The following ABHD2 variants were observed in gnomAD, a reference collection of about 807,000 sequenced individuals.
ABHD2 encodes monoacylglycerol lipase ABHD2.
Under a neutral mutation model 48.1 loss-of-function variants are expected in ABHD2, and 20 were observed. The observed-to-expected ratio is 0.42, with a 90% CI of 0.29 to 0.60. The LOEUF (loss-of-function observed/expected upper bound fraction) is 0.60. ABHD2 is among the 20% of genes least tolerant of loss of function. The probability of loss-of-function intolerance (pLI) is 0.24; values close to 1 mark genes in which losing one functional copy is unlikely to be tolerated. For missense variants in ABHD2, 405 were observed against 550.9 expected, an observed-to-expected ratio of 0.74 and a Z score of 2.65; for synonymous variants, 209 against 214.2, an observed-to-expected ratio of 0.98 and a Z score of 0.21.
chr15:89,092,529 T>C lies in ABHD2; in HGVS notation c.-107+3966T>C, dbSNP rs554729276. On this transcript the variant is annotated intron_variant, in intron 1 of 10. Transcript: ENST00000352732. This position sits in a 1 kb window ranked among gnomAD's most constrained non-coding sequence, Gnocchi z 4.4. Reference sequence around the variant, plus strand: ...AAAAATAGGCAATACATTCACATGATGAAAGAAAATTTTTTAAAGGCACAA... The same window carrying C: ...AAAAATAGGCAATACATTCACATGACGAAAGAAAATTTTTTAAAGGCACAA... 3.3e-5 allele frequency among the ~76,000 whole-genome samples: 5 copies of C among 152,344 alleles called. No homozygotes were observed. Among genetic ancestry groups the C allele is most frequent in the Middle Eastern group, 3.4e-3 (1 of 294 alleles).
chr15:89,152,224 A>C (rs540763685), intron 4 of ABHD2, among the ~76,000 whole-genome samples: 95 of 151,888 alleles, frequency 6.3e-4, no homozygotes, highest in African/African-American at 2.1e-3. Flanking sequence ...TACAGGCGCC[A>C]GCCACCACGC....
chr15:89,093,129 C>T (rs1416144285), intron 1 of ABHD2, among the ~76,000 whole-genome samples: 1 of 150,358 alleles, frequency 6.7e-6, no homozygotes, highest in East Asian at 2.0e-4. Flanking sequence ...TCCAGAGAAG[C>T]TTCCTGGCCT....
chr15:89,176,472 A>G lies in ABHD2; in HGVS notation c.722+477A>G, dbSNP rs1822993365. Among the ~76,000 whole-genome samples the G allele has an allele frequency of 6.6e-6, 1 of 152,118 alleles. No homozygotes were observed. Among genetic ancestry groups the G allele is most frequent in the Non-Finnish European group, 1.5e-5 (1 of 68,032 alleles). ...CATTTAATCAGTGTCCTCACCTTTA[A>G]GTATTTGTCTCTGTCAGGCATCCCA... On this transcript the variant is annotated intron_variant, in intron 6 of 10. Coordinates refer to ENST00000352732, the MANE Select transcript of ABHD2 (RefSeq NM_152924.5). This position sits in a 1 kb window ranked among gnomAD's most constrained non-coding sequence, Gnocchi z 4.5.
At chr15:89,066,890 T>G in the ABHD2 span, among the ~76,000 whole-genome samples, 466 of 152,332 alleles carry the variant, frequency 3.1e-3, 1 homozygote, top group African/African-American at 9.7e-3. Flanking sequence ...AGTCGTCCTT[T>G]CTCCAGATGC....
chr15:89,123,597 T>G (rs796501669), intron 3 of ABHD2, among the ~76,000 whole-genome samples: 23 of 55,718 alleles, frequency 4.1e-4, no homozygotes, highest in African/African-American at 1.9e-3. Context: ...TTCTTTCTTT[T>G]TTTTTTTTTT....
At chr15:89,083,858 C>T (rs2150758891), upstream of ABHD2, among the ~76,000 whole-genome samples, 1 of 152,282 alleles carries the variant, frequency 6.6e-6, no homozygotes, top group South Asian at 2.1e-4. The surrounding 1 kb of genome is among the most constrained non-coding windows in gnomAD (Gnocchi z 5.1). Flanking sequence ...GACTTAAAGC[C>T]TCTAAACAAA....
At position 89,182,576 on chromosome 15, in the gene ABHD2, G is replaced by A. The variant is rs1361106059; in HGVS notation, c.723-2848G>A. On this transcript the variant is annotated intron_variant, in intron 6 of 10. Coordinates refer to ENST00000352732, the MANE Select transcript of ABHD2 (RefSeq NM_152924.5). The surrounding 1 kb of genome is among the most constrained non-coding windows in gnomAD (Gnocchi z 4.8). ...GGCCGAGACCTAGAGATCACTTGAG[G>A]TCAGGAGTTCTAGACCACCCTGGCC... Among the ~76,000 whole-genome samples the A allele has an allele frequency of 6.6e-6, 1 of 152,092 alleles. No individual in the cohort carries two copies. Among genetic ancestry groups the A allele is most frequent in the Non-Finnish European group, 1.5e-5 (1 of 68,014 alleles).
the ABHD2 span, among the ~76,000 whole-genome samples, chr15:89,064,219 C>CTTT: frequency 0.016 from 1,971 of 119,528 alleles, 111 homozygotes; most frequent in African/African-American, 0.055. Flanking sequence ...ACATTGTGTC[C>CTTT]TTTTTTTTTT....
intron 3 of ABHD2, among the ~76,000 whole-genome samples, chr15:89,118,048 C>G (rs568579452): frequency 6.6e-6 from 1 of 152,260 alleles, no homozygotes; most frequent in South Asian, 2.1e-4. Context: ...CCTCCACAGC[C>G]AGGCACAAGA....
the ABHD2 span, among the ~76,000 whole-genome samples, chr15:89,067,312 G>C: frequency 9.2e-5 from 14 of 152,344 alleles, no homozygotes; most frequent in African/African-American, 3.1e-4. Flanking sequence ...TGACAGTTTA[G>C]CATTTTCTTT....
In ABHD2 at chr15:89,172,021, C is replaced by T. The variant is rs2050936831; in HGVS notation, c.539-3791C>T. 1.8e-5 allele frequency among the ~76,000 whole-genome samples: 2 copies of T among 111,892 alleles called. 1 individual carries two copies. Among genetic ancestry groups the T allele is most frequent in the East Asian group, 7.3e-4 (2 of 2,756 alleles). The allele number at this position is 111,892 out of a possible 152,430, so 73.4% of individuals were successfully genotyped here. ...TAATACCCTATAATAAATATTTTTC[C>T]TGCTTTTTTTTTAAAAAAAATCCCC... On this transcript the variant is annotated intron_variant, in intron 5 of 10. Coordinates refer to ENST00000352732, the MANE Select transcript of ABHD2 (RefSeq NM_152924.5).
intron 1 of ABHD2, among the ~76,000 whole-genome samples, chr15:89,110,052 T>C (rs1454895862): frequency 6.6e-6 from 1 of 152,192 alleles, no homozygotes; most frequent in Non-Finnish European, 1.5e-5. Flanking sequence ...TTTATTTAAA[T>C]TTTTCTTTTT....
intron 3 of ABHD2, among the ~76,000 whole-genome samples, chr15:89,150,030 A>C (rs924888884): frequency 6.6e-6 from 1 of 152,244 alleles, no homozygotes; most frequent in Non-Finnish European, 1.5e-5. Flanking sequence ...GGACAGTCAC[A>C]TGTGTCATCA....
rs1331720268 is a variant in ABHD2 at position 89,094,164 on chromosome 15, T to C, written c.-107+5601T>C. 1 of 152,124 alleles carries C rather than the reference T, an allele frequency of 6.6e-6. No homozygotes were observed. The highest frequency in any genetic ancestry group is 6.5e-5 in the Admixed American group (1 of 15,284). 9.4% of individuals were successfully genotyped at this position (152,124 alleles called of 1,614,324 possible). ...GAGGTGGTGTTATCAGTTCCACTTT[T>C]TCCAGGCTAGAGTGCAGTGGCCCGA... On this transcript the variant is annotated intron_variant, in intron 1 of 10. Coordinates refer to ENST00000352732, the MANE Select transcript of ABHD2 (RefSeq NM_152924.5). This position sits in a 1 kb window ranked among gnomAD's most constrained non-coding sequence, Gnocchi z 4.7.
At chr15:89,170,161 A>G (rs958603325) in intron 5 of ABHD2, among the ~76,000 whole-genome samples, 1 of 125,152 alleles carries the variant, frequency 8.0e-6, no homozygotes, top group Non-Finnish European at 1.6e-5. Context: ...TAGTGGCACA[A>G]TCTTGGCTCA....
At position 89,197,516 on chromosome 15, in the gene ABHD2, C is replaced by T. The variant is rs1414075794; in HGVS notation, c.*2093C>T. ...AAGACTTTTTATGAGAATAGGTAAA[C>T]CAAGCAATAACTTCCTAGGACTGAA... On this transcript the variant is annotated 3_prime_UTR_variant, in exon 11 of 11. Transcript: ENST00000352732. This position sits in a 1 kb window ranked among gnomAD's most constrained non-coding sequence, Gnocchi z 4.4. The T allele has an allele frequency of 6.6e-6, 1 of 152,334 alleles. No homozygotes were observed. The highest frequency in any genetic ancestry group is 1.5e-5 in the Non-Finnish European group (1 of 68,054). The allele number at this position is 152,334 out of a possible 1,614,324, so 9.4% of individuals were successfully genotyped here.
the ABHD2 span, among the ~76,000 whole-genome samples, chr15:89,057,114 C>T: frequency 6.6e-6 from 1 of 151,904 alleles, no homozygotes; most frequent in African/African-American, 2.4e-5. Context: ...GGGGTTTCAC[C>T]GTGTTAGCAG....
intron 3 of ABHD2, among the ~76,000 whole-genome samples, chr15:89,117,523 G>A (rs1028095240): frequency 4.6e-5 from 7 of 152,236 alleles, no homozygotes; most frequent in African/African-American, 1.7e-4. Context: ...TGCACAGTGG[G>A]TCTGAATTCC....
chr15:89,042,872 T>C, the ABHD2 span, among the ~76,000 whole-genome samples: 7 of 152,170 alleles, frequency 4.6e-5, no homozygotes, highest in East Asian at 1.4e-3. Flanking sequence ...TTCACTGTGT[T>C]GGCCAGGCTG....
Sources: gnomAD v4.1 joint callset for allele counts (sites outside exome capture counted in the v4.1 genomes callset) on GRCh38, gnomAD v4.1.1 for gene constraint, Gnocchi (gnomAD v3.1) non-coding constraint, MANE v1.5 for transcripts, NCBI Gene and HGNC (gene_info 2026-07-23, HGNC 2026-07-21) for gene names.